HHAT: variants seen among roughly 807,000 people sequenced by gnomAD.
HHAT encodes protein-cysteine N-palmitoyltransferase HHAT.
A neutral mutation model predicts 70.8 loss-of-function variants in HHAT; 47 were observed. The observed-to-expected ratio is 0.66, with a 90% CI of 0.53 to 0.85. The LOEUF is 0.85. Among genes scored for constraint, HHAT ranks in the 40% least tolerant of loss-of-function variants. The pLI is 0.00. For missense variants in HHAT, 609 were observed against 604.8 expected (o/e 1.01, Z -0.07); for synonymous variants, 228 against 247.6 (o/e 0.92, Z 0.74).
chr1:210,589,798 T>C (rs1168769261), intron 10 of HHAT: 1 of 152,244 alleles, frequency 6.6e-6, no homozygotes, highest in East Asian at 1.9e-4. Context: ...AGCTCTTGCT[T>C]GTCTACCTTG....
At chr1:210,457,158 C>G (rs1280697940) in intron 7 of HHAT, among the ~76,000 whole-genome samples, 1 of 152,144 alleles carries the variant, frequency 6.6e-6, no homozygotes, top group Non-Finnish European at 1.5e-5. Flanking sequence ...ATTAGTTTCT[C>G]TTCCTCCTTC....
At chr1:210,372,042 C>T (rs1571952009) in intron 3 of HHAT, among the ~76,000 whole-genome samples, 2 of 152,202 alleles carry the variant, frequency 1.3e-5, no homozygotes, top group African/African-American at 4.8e-5. Context: ...TATTTCTCTA[C>T]TCAACAAGTT....
At chr1:210,506,749 A>G (rs965712287) in intron 8 of HHAT, among the ~76,000 whole-genome samples, 1 of 152,196 alleles carries the variant, frequency 6.6e-6, no homozygotes. Flanking sequence ...AGCCTCTTCT[A>G]TGTGCAGTGT....
chr1:210,352,883 G>C (rs181007556), intron 2 of HHAT, among the ~76,000 whole-genome samples: 1 of 151,810 alleles, frequency 6.6e-6, no homozygotes, highest in South Asian at 2.1e-4. Flanking sequence ...TGTTGCATTA[G>C]GTTGGTGCCT....
intron 2 of HHAT, among the ~76,000 whole-genome samples, chr1:210,357,392 T>C: frequency 6.6e-6 from 1 of 152,208 alleles, no homozygotes; most frequent in South Asian, 2.1e-4. Context: ...AACATCCTTA[T>C]CTCAGAAGAT....
At chr1:210,342,820 G>T (rs768490566) in intron 1 of HHAT, among the ~76,000 whole-genome samples, 7 of 152,054 alleles carry the variant, frequency 4.6e-5, no homozygotes, top group Non-Finnish European at 8.8e-5. Flanking sequence ...ATTTTAAAAA[G>T]GTTCCAGTTA....
intron 1 of HHAT, among the ~76,000 whole-genome samples, chr1:210,335,307 C>G (rs1245692638): frequency 8.2e-6 from 1 of 121,656 alleles, no homozygotes; most frequent in Non-Finnish European, 1.7e-5. Flanking sequence ...AACTCAGCAC[C>G]CATTCATGAT....
chr1:210,363,025 TGG>T, intron 3 of HHAT, 106 bp downstream of exon 3: 1 of 952,196 alleles, frequency 1.1e-6, no homozygotes, highest in Non-Finnish European at 1.7e-6. Flanking sequence ...AGCAGCAATC[TGG>T]AATGAAGCAC....
intron 9 of HHAT, among the ~76,000 whole-genome samples, chr1:210,553,199 G>C (rs1266314322): frequency 6.6e-6 from 1 of 152,170 alleles, no homozygotes; most frequent in African/African-American, 2.4e-5. Context: ...GGGGACCAAG[G>C]CTGGCTTCCT....
chr1:210,467,778 G>A (rs943649243), intron 8 of HHAT, among the ~76,000 whole-genome samples: 4 of 152,150 alleles, frequency 2.6e-5, no homozygotes, highest in Admixed American at 2.6e-4. Flanking sequence ...GCTGATAGAG[G>A]AATATTTAGC....
At chr1:210,588,306 T>C (rs1660935685) in intron 10 of HHAT, 4 of 486,558 alleles carry the variant, frequency 8.2e-6, no homozygotes, top group Non-Finnish European at 3.6e-6. Context: ...TGTGTGTGTA[T>C]ATATAACTAT....
intron 9 of HHAT, among the ~76,000 whole-genome samples, chr1:210,542,997 A>C (rs2095445870): frequency 6.6e-6 from 1 of 152,210 alleles, no homozygotes. Context: ...CGCTGTTCAC[A>C]GACAGGCATC....
chr1:210,615,381 G>A (rs550989619), intron 10 of HHAT, among the ~76,000 whole-genome samples: 5 of 152,246 alleles, frequency 3.3e-5, no homozygotes, highest in East Asian at 1.9e-4. Flanking sequence ...CGATGGGTTC[G>A]AACTTCCTCC....
At chr1:210,399,758 A>G (rs896041937) in intron 4 of HHAT, among the ~76,000 whole-genome samples, 4 of 152,222 alleles carry the variant, frequency 2.6e-5, no homozygotes, top group Admixed American at 6.5e-5. Flanking sequence ...ATGTTAATTC[A>G]TCTACTTATT....
intron 9 of HHAT, among the ~76,000 whole-genome samples, chr1:210,572,666 G>C (rs904930895): frequency 6.6e-6 from 1 of 152,102 alleles, no homozygotes; most frequent in East Asian, 1.9e-4. Context: ...GGCCAAGGTG[G>C]GAGGATTGCT....
chr1:210,452,833 G>C (rs2093781673), intron 7 of HHAT, among the ~76,000 whole-genome samples: 1 of 152,218 alleles, frequency 6.6e-6, no homozygotes, highest in Non-Finnish European at 1.5e-5. Context: ...ATTTGAGAGT[G>C]AGCGAGGAGA....
intron 7 of HHAT, among the ~76,000 whole-genome samples, chr1:210,438,120 G>T (rs1308923197): frequency 4.0e-5 from 6 of 151,840 alleles, no homozygotes; most frequent in Non-Finnish European, 5.9e-5. Flanking sequence ...AGCATATTGG[G>T]AGGAGGAGTT....
At chr1:210,667,913 C>T (rs530253275) in intron 11 of HHAT, among the ~76,000 whole-genome samples, 3 of 152,264 alleles carry the variant, frequency 2.0e-5, no homozygotes, top group Non-Finnish European at 2.9e-5. Context: ...CCATCCGTCT[C>T]GAGTTTTTTT....
chr1:210,484,422 C>T (rs891661964), intron 8 of HHAT, among the ~76,000 whole-genome samples: 14 of 151,922 alleles, frequency 9.2e-5, no homozygotes, highest in African/African-American at 3.4e-4. Context: ...CCAACTCTGC[C>T]CATTAGAGAT....
Sources: gnomAD v4.1 joint callset for allele counts (sites outside exome capture counted in the v4.1 genomes callset) on GRCh38, gnomAD v4.1.1 for gene constraint, MANE v1.5 for transcripts, NCBI Gene and HGNC (gene_info 2026-07-23, HGNC 2026-07-21) for gene names.